CACNB2: variants seen among roughly 807,000 people sequenced by gnomAD.
CACNB2 encodes the protein calcium voltage-gated channel auxiliary subunit beta 2.
In CACNB2, 42 loss-of-function variants were observed where a neutral mutation model predicts 73.3. That is an observed-to-expected ratio of 0.57 (90% CI 0.45 to 0.74). The LOEUF is 0.74. Ranked by LOEUF, CACNB2 falls within the 30% of genes least tolerant of loss-of-function variation. The pLI, the probability that CACNB2 is intolerant of heterozygous loss-of-function variation, is 0.00. For missense variants in CACNB2, 940 were observed against 853.0 expected (o/e 1.10, Z -1.27); for synonymous variants, 348 against 310.3 (o/e 1.12, Z -1.28).
intron 2 of CACNB2, among the ~76,000 whole-genome samples, chr10:18,352,104 C>A (rs2041731727): frequency 1.3e-5 from 2 of 152,208 alleles, no homozygotes; most frequent in South Asian, 4.1e-4. Context: ...AGGCATTCAA[C>A]CTAAAAGTAC....
chr10:18,377,592 C>G (rs1357894599), intron 2 of CACNB2, among the ~76,000 whole-genome samples: 1 of 152,276 alleles, frequency 6.6e-6, no homozygotes, highest in East Asian at 1.9e-4. Context: ...TGTTCTTCTT[C>G]TTTTGATTGA....
chr10:18,210,142 T>G (rs763652157), intron 2 of CACNB2, among the ~76,000 whole-genome samples: 2 of 152,160 alleles, frequency 1.3e-5, no homozygotes, highest in African/African-American at 2.4e-5. Flanking sequence ...TGGTTCCACT[T>G]GGGAGCGTGG....
chr10:18,292,554 G>A (rs2039110043), intron 2 of CACNB2, among the ~76,000 whole-genome samples: 1 of 152,172 alleles, frequency 6.6e-6, no homozygotes, highest in African/African-American at 2.4e-5. Flanking sequence ...TACTCAGGAG[G>A]CTGAGGCAGA....
Position 18,344,672 on chromosome 10 carries a change from CA to C in CACNB2, c.214-57249del, listed in dbSNP as rs546710248. 4.4e-3 allele frequency among the ~76,000 whole-genome samples: 665 copies of C among 152,184 alleles called. 2 individuals carry two copies. Among genetic ancestry groups the C allele is most frequent in the Non-Finnish European group, 7.6e-3 (518 of 68,002 alleles). On this transcript the variant is annotated intron_variant, in intron 2 of 13. Transcript: ENST00000324631. ...CAGGTGTGAAAAGAGCTCTATCCTTCAAAGTAATTAAAGTTTTTACCACTAA... is the reference window on the plus strand; with the variant it reads ...CAGGTGTGAAAAGAGCTCTATCCTTCAAGTAATTAAAGTTTTTACCACTAA...
At chr10:18,524,691 G>C (rs2052284786) in intron 9 of CACNB2, among the ~76,000 whole-genome samples, 2 of 145,168 alleles carry the variant, frequency 1.4e-5, no homozygotes, top group African/African-American at 5.1e-5. Flanking sequence ...CAAATAAAAA[G>C]TTGTTTATCT....
intron 2 of CACNB2, chr10:18,181,750 A>G (rs1466972676): frequency 1.3e-5 from 2 of 151,058 alleles, no homozygotes; most frequent in Non-Finnish European, 2.9e-5. Flanking sequence ...ATGCAGCTGT[A>G]ACTATGGGCG....
intron 2 of CACNB2, among the ~76,000 whole-genome samples, chr10:18,362,824 C>T (rs1212550925): frequency 6.6e-6 from 1 of 152,140 alleles, no homozygotes. Flanking sequence ...GAGAGAATCA[C>T]TTGAACCCGG....
At chr10:18,451,051 C>G (rs2046999291) in intron 3 of CACNB2, among the ~76,000 whole-genome samples, 1 of 152,208 alleles carries the variant, frequency 6.6e-6, no homozygotes, top group Admixed American at 6.5e-5. Flanking sequence ...ATTTTATCAT[C>G]TTACCTATAC....
At chr10:18,206,111 C>T (rs1329162858) in intron 2 of CACNB2, 1 of 152,596 alleles carries the variant, frequency 6.6e-6, no homozygotes, top group African/African-American at 2.4e-5. Context: ...CCTCAGCCTC[C>T]CAAGTAGCTG....
intron 2 of CACNB2, among the ~76,000 whole-genome samples, chr10:18,307,465 T>A (rs1038472631): frequency 2.6e-5 from 4 of 152,182 alleles, no homozygotes; most frequent in African/African-American, 9.6e-5. Context: ...CTGTCTCACA[T>A]AAATAAATAT....
At chr10:18,335,835 A>C (rs2132041743) in intron 2 of CACNB2, among the ~76,000 whole-genome samples, 1 of 151,848 alleles carries the variant, frequency 6.6e-6, no homozygotes, top group East Asian at 1.9e-4. Context: ...ATACACACAC[A>C]GTTATTTAGT....
At chr10:18,289,297 GTTTTTTTTTT>G (rs764040568) in intron 2 of CACNB2, among the ~76,000 whole-genome samples, 7 of 56,716 alleles carry the variant, frequency 1.2e-4, no homozygotes, top group African/African-American at 5.9e-4. Context: ...TTTTTGTTTT[GTTTTTTTTTT>G]TTTTTGAGAT....
chr10:18,365,821 C>A (rs2042322421), intron 2 of CACNB2, among the ~76,000 whole-genome samples: 2 of 152,134 alleles, frequency 1.3e-5, no homozygotes, highest in African/African-American at 4.8e-5. Context: ...AATACTTTCT[C>A]ACACAAATTA....
chr10:18,177,667 A>G (rs1164051849), intron 2 of CACNB2, among the ~76,000 whole-genome samples: 1 of 152,118 alleles, frequency 6.6e-6, no homozygotes, highest in African/African-American at 2.4e-5. Context: ...CAGTGAGGCA[A>G]GCGGCTCCAT....
intron 2 of CACNB2, among the ~76,000 whole-genome samples, chr10:18,316,443 T>A (rs902786718): frequency 6.5e-5 from 9 of 139,098 alleles, no homozygotes; most frequent in Non-Finnish European, 1.5e-4. Context: ...CTAGAAAAGG[T>A]CTTTCTTTTT....
intron 2 of CACNB2, among the ~76,000 whole-genome samples, chr10:18,269,869 T>C (rs1411930): frequency 0.33 from 50,888 of 152,068 alleles, 9,587 homozygotes; most frequent in African/African-American, 0.49. Flanking sequence ...CATGGTCCTG[T>C]CCCTCTTCTT....
At chr10:18,521,106 C>T (rs577594307) in intron 9 of CACNB2, among the ~76,000 whole-genome samples, 16 of 152,282 alleles carry the variant, frequency 1.1e-4, no homozygotes, top group African/African-American at 3.6e-4. Flanking sequence ...TAGAGAAATG[C>T]GGAGATGGTG....
At chr10:18,496,663 A>C (rs1396036104) in intron 3 of CACNB2, among the ~76,000 whole-genome samples, 1 of 151,736 alleles carries the variant, frequency 6.6e-6, no homozygotes, top group Non-Finnish European at 1.5e-5. Context: ...AAATACAAAA[A>C]ATTAGCTGGG....
intron 3 of CACNB2, among the ~76,000 whole-genome samples, chr10:18,419,436 A>G (rs2045197087): frequency 6.6e-6 from 1 of 152,182 alleles, no homozygotes; most frequent in African/African-American, 2.4e-5. Flanking sequence ...AAAATGAGAG[A>G]GAGAGAAGGT....
Sources: allele counts gnomAD v4.1 joint callset (sites outside exome capture counted in the v4.1 genomes callset), GRCh38; gene constraint gnomAD v4.1.1; transcripts MANE v1.5; gene names NCBI Gene and HGNC (gene_info 2026-07-23, HGNC 2026-07-21).